The following CADPS variants were observed in gnomAD, a reference collection of about 807,000 sequenced individuals.
The protein encoded by CADPS is calcium dependent secretion activator, also known as calcium-dependent secretion activator 1.
Under a neutral mutation model 167.3 loss-of-function variants are expected in CADPS, and 57 were observed. The ratio of observed to expected loss-of-function variants is 0.34; its 90% CI spans 0.28 to 0.42. The LOEUF (loss-of-function observed/expected upper bound fraction) is 0.42. Among genes scored for constraint, CADPS ranks in the 20% least tolerant of loss-of-function variants. CADPS has a pLI of 1.00. For synonymous variants in CADPS, 676 were observed against 635.3 expected (o/e 1.06, Z -0.96); for missense variants, 1,414 against 1,738.1 (o/e 0.81, Z 3.32).
intron 3 of CADPS, among the ~76,000 whole-genome samples, chr3:62,747,277 ATTG>A (rs143817983): frequency 0.013 from 1,925 of 152,346 alleles, 45 homozygotes; most frequent in African/African-American, 0.044. Context: ...GAAGAACTAT[ATTG>A]TTGTTACAGG....
Position 62,820,157 on chromosome 3 carries a change from C to T in CADPS, c.442-54173G>A, listed in dbSNP as rs2094833287. 2.6e-5 allele frequency among the ~76,000 whole-genome samples: 4 copies of T among 152,178 alleles called. No individual in the cohort carries two copies. The South Asian group carries it at 8.3e-4, about 32-fold the overall frequency. On this transcript the variant is annotated intron_variant, in intron 1 of 29. Transcript: ENST00000383710. ...AATGATCCTGAACAAGCCATAATTT[C>T]AACCCCAGGGGTATAATCCTGTGTT...
chr3:62,780,395 G>A (rs1431766506), intron 1 of CADPS, among the ~76,000 whole-genome samples: 2 of 152,074 alleles, frequency 1.3e-5, no homozygotes, highest in African/African-American at 4.8e-5. Flanking sequence ...TCCAGCCTGG[G>A]TGACAGAGAC....
intron 6 of CADPS, among the ~76,000 whole-genome samples, chr3:62,639,198 A>G (rs928479335): frequency 3.3e-5 from 5 of 152,212 alleles, no homozygotes; most frequent in Non-Finnish European, 7.3e-5. Context: ...CTGGGAGCCT[A>G]GCAAAATTTA....
chr3:62,751,236 T>A (rs1274850493), intron 3 of CADPS, among the ~76,000 whole-genome samples: 1 of 152,198 alleles, frequency 6.6e-6, no homozygotes, highest in African/African-American at 2.4e-5. Context: ...AATACACTCC[T>A]GAAACTTAGA....
In CADPS at chr3:62,557,409, C is replaced by G. The variant is rs1292485646; in HGVS notation, c.1749G>C (p.Gln583His). The G allele has an allele frequency of 6.2e-7, 1 of 1,612,456 alleles. No homozygotes were observed. Among genetic ancestry groups the G allele is most frequent in the South Asian group, 1.1e-5 (1 of 91,032 alleles). Reference sequence around the variant, plus strand: ...GCCTTGAGGGTCGGTGGGTACCTGGCTGGGGGTCGGTGTAATCCACAGTGT... The same window carrying G: ...GCCTTGAGGGTCGGTGGGTACCTGGGTGGGGGTCGGTGTAATCCACAGTGT... ...DGYTVDYTDP[Q>H]PGLEGGRAFF... The change falls in exon 10 of 30, where the codon CAG becomes CAC. Residue 583 changes from glutamine to histidine, a missense_variant. Gln to His is a conservative substitution (Grantham distance 24). This residue lies in a region of CADPS where 157 missense variants were observed against 229.4 expected (regional missense o/e 0.68). Transcript: ENST00000383710.
At chr3:62,705,454 G>A (rs1274100676) in intron 3 of CADPS, among the ~76,000 whole-genome samples, 2 of 152,120 alleles carry the variant, frequency 1.3e-5, no homozygotes, top group Non-Finnish European at 2.9e-5. Context: ...AGGATGCAAA[G>A]TATTGTTCCT....
intron 21 of CADPS, among the ~76,000 whole-genome samples, chr3:62,485,949 C>T (rs893794197): frequency 6.6e-6 from 1 of 152,022 alleles, no homozygotes; most frequent in South Asian, 2.1e-4. Context: ...GGTCACCCAG[C>T]AAATTATTGG....
At chr3:62,565,132 T>C (rs2079911279) in intron 9 of CADPS, among the ~76,000 whole-genome samples, 1 of 152,128 alleles carries the variant, frequency 6.6e-6, no homozygotes. Context: ...TAGTAATCAA[T>C]GTGTTTGGTT....
chr3:62,517,501 A>C (rs752422629), intron 14 of CADPS, among the ~76,000 whole-genome samples: 2 of 152,180 alleles, frequency 1.3e-5, no homozygotes, highest in Non-Finnish European at 2.9e-5. Context: ...TATATCTGGT[A>C]TATAGGAAGT....
At chr3:62,485,634 C>T (rs1359733140) in intron 21 of CADPS, among the ~76,000 whole-genome samples, 1 of 150,468 alleles carries the variant, frequency 6.6e-6, no homozygotes, top group Non-Finnish European at 1.5e-5. Context: ...TCTGGGGAAA[C>T]ATCCCCATAG....
intron 1 of CADPS, among the ~76,000 whole-genome samples, chr3:62,841,391 T>C (rs1475856492): frequency 1.3e-5 from 2 of 152,186 alleles, no homozygotes; most frequent in African/African-American, 4.8e-5. Context: ...CAGGTACTTA[T>C]TTTGGCACTT....
chr3:62,534,835 T>C (rs550017608), intron 12 of CADPS, among the ~76,000 whole-genome samples: 1 of 152,248 alleles, frequency 6.6e-6, no homozygotes, highest in East Asian at 1.9e-4. Flanking sequence ...GGTATACAAA[T>C]GGGGAAGGAA....
chr3:62,852,428 A>G (rs1024409460), intron 1 of CADPS, among the ~76,000 whole-genome samples: 2 of 151,748 alleles, frequency 1.3e-5, no homozygotes, highest in Non-Finnish European at 2.9e-5. Context: ...CTCCTCCCCC[A>G]TCAGCATTTT....
intron 1 of CADPS, among the ~76,000 whole-genome samples, chr3:62,820,421 C>T (rs1188552566): frequency 6.6e-6 from 1 of 152,158 alleles, no homozygotes; most frequent in African/African-American, 2.4e-5. Context: ...CTCTCATTTT[C>T]AATATTATAT....
chr3:62,614,647 G>A (rs894111534), intron 6 of CADPS, among the ~76,000 whole-genome samples: 9 of 152,168 alleles, frequency 5.9e-5, no homozygotes, highest in Admixed American at 5.2e-4. Flanking sequence ...TTTGGCAGGG[G>A]AGTGATATAA....
intron 28 of CADPS, among the ~76,000 whole-genome samples, chr3:62,407,495 G>A (rs1708956569): frequency 6.6e-6 from 1 of 152,120 alleles, no homozygotes; most frequent in African/African-American, 2.4e-5. Context: ...GTGAGTTACA[G>A]CTTCACCTTA....
At chr3:62,491,558 AACACACAC>A (rs35911391) in intron 20 of CADPS, 78 bp from the exon 21 acceptor site, 90 of 526,830 alleles carry the variant, frequency 1.7e-4, no homozygotes, top group South Asian at 1.7e-3. Context: ...CACACACACA[AACACACAC>A]ACACACACAC....
At chr3:62,669,036 T>C (rs1512013) in intron 3 of CADPS, among the ~76,000 whole-genome samples, 113,944 of 152,128 alleles carry the variant, frequency 0.75, 42,756 homozygotes, top group East Asian at 0.89. Flanking sequence ...TGGCCTATAA[T>C]CAGTCTCTTT....
intron 1 of CADPS, among the ~76,000 whole-genome samples, chr3:62,780,176 G>C (rs886329828): frequency 6.6e-6 from 1 of 152,098 alleles, no homozygotes; most frequent in African/African-American, 2.4e-5. Context: ...CCTGGCCTCA[G>C]GGGTATTTTC....
Sources: gnomAD v4.1 joint callset for allele counts (sites outside exome capture counted in the v4.1 genomes callset) on GRCh38, gnomAD v4.1.1 for gene constraint, gnomAD v4.1.1 regional missense constraint, MANE v1.5 for transcripts, NCBI Gene and HGNC (gene_info 2026-07-23, HGNC 2026-07-21) for gene names.